Variants in WDR20 observed in about 807,000 individuals in gnomAD.
WDR20 encodes the protein WD repeat-containing protein 20.
Under a neutral mutation model 38.7 loss-of-function variants are expected in WDR20, and 3 were observed. That is an observed-to-expected ratio of 0.08 (90% CI 0.04 to 0.20). The LOEUF (loss-of-function observed/expected upper bound fraction) is 0.20, where lower values mean the gene tolerates loss of function less well. WDR20 is among the 10% of genes least tolerant of loss of function. The pLI, the probability that WDR20 is intolerant of heterozygous loss-of-function variation, is 1.00. For missense variants in WDR20, 559 were observed against 727.7 expected, an observed-to-expected ratio of 0.77 and a Z score of 2.67; for synonymous variants, 298 against 285.6, an observed-to-expected ratio of 1.04 and a Z score of -0.44.
downstream of WDR20, among the ~76,000 whole-genome samples, chr14:102,210,874 G>A (rs559363792): frequency 5.3e-5 from 8 of 152,128 alleles, no homozygotes; most frequent in Admixed American, 3.9e-4. Context: ...TTCGTCCCCC[G>A]CAGAGGAAGC....
chr14:102,218,113 G>T (rs1383561653), downstream of WDR20, among the ~76,000 whole-genome samples: 3 of 152,378 alleles, frequency 2.0e-5, no homozygotes, highest in East Asian at 5.8e-4. Flanking sequence ...GATCTCAGGA[G>T]AGAAGCGCTA....
chr14:102,148,725 C>T (rs1167179879), intron 1 of WDR20, among the ~76,000 whole-genome samples: 1 of 149,590 alleles, frequency 6.7e-6, no homozygotes, highest in Non-Finnish European at 1.5e-5. Flanking sequence ...CAGGGTCTCA[C>T]TGTGTCACCT....
At chr14:102,168,491 C>T (rs1019487327) in intron 1 of WDR20, among the ~76,000 whole-genome samples, 13 of 151,868 alleles carry the variant, frequency 8.6e-5, no homozygotes, top group African/African-American at 1.7e-4. Context: ...ATGCCTGGCA[C>T]GGTGTAGGTG....
At chr14:102,147,679 T>TCAAAC (rs201593016) in intron 1 of WDR20, among the ~76,000 whole-genome samples, 4,973 of 152,302 alleles carry the variant, frequency 0.033, 276 homozygotes, top group African/African-American at 0.11. Flanking sequence ...GTGGATTTTG[T>TCAAAC]CACTGAGTGG....
intron 1 of WDR20, among the ~76,000 whole-genome samples, chr14:102,141,237 G>A (rs118130588): frequency 5.1e-4 from 78 of 152,186 alleles, no homozygotes; most frequent in Non-Finnish European, 9.7e-4. Context: ...AGATTAAGTC[G>A]TAAATGCATG....
chr14:102,171,311 T>C (rs1209431574), intron 1 of WDR20: 1 of 144,110 alleles, frequency 6.9e-6, no homozygotes, highest in Non-Finnish European at 1.5e-5. Context: ...TTACCCAAGC[T>C]GGAGTACAGT....
chr14:102,194,432 G>A (rs1288200371), intron 1 of WDR20, among the ~76,000 whole-genome samples: 1 of 152,104 alleles, frequency 6.6e-6, no homozygotes, highest in Non-Finnish European at 1.5e-5. Context: ...TTTAGTCTGG[G>A]GTGAGGTTTG....
intron 1 of WDR20, among the ~76,000 whole-genome samples, chr14:102,180,727 G>C (rs2063209525): frequency 6.6e-6 from 1 of 152,128 alleles, no homozygotes; most frequent in Admixed American, 6.6e-5. Flanking sequence ...ATTCTCTTTT[G>C]GTTTGTAGTC....
At chr14:102,212,414 C>T, downstream of WDR20, 1 of 1,230,482 alleles carries the variant, frequency 8.1e-7, no homozygotes, top group Non-Finnish European at 1.1e-6. Flanking sequence ...CTGCCTTTGA[C>T]TGCATGTCCT....
intron 1 of WDR20, among the ~76,000 whole-genome samples, chr14:102,174,266 G>T (rs1332179335): frequency 6.6e-6 from 1 of 152,014 alleles, no homozygotes; most frequent in African/African-American, 2.4e-5. Flanking sequence ...CCCTGTGGTG[G>T]GATTGCTGGA....
intron 1 of WDR20, among the ~76,000 whole-genome samples, chr14:102,165,892 G>C (rs1265337091): frequency 6.6e-6 from 1 of 151,310 alleles, no homozygotes; most frequent in Non-Finnish European, 1.5e-5. Context: ...TGCCTGCCTC[G>C]GCCTCCTGAA....
intron 2 of WDR20, 133 bp downstream of exon 2, chr14:102,195,253 C>A: frequency 1.1e-6 from 1 of 933,496 alleles, no homozygotes; most frequent in Non-Finnish European, 1.6e-6. Flanking sequence ...ACCTAGTATG[C>A]CCAAGTTTAA....
At chr14:102,178,365 C>T (rs2062619089) in intron 1 of WDR20, among the ~76,000 whole-genome samples, 1 of 150,514 alleles carries the variant, frequency 6.6e-6, no homozygotes, top group Admixed American at 6.7e-5. Context: ...GCACTCCAGC[C>T]TGGGCTACAG....
Position 102,185,506 on chromosome 14 carries a change from C to T in WDR20, c.250-9432C>T, listed in dbSNP as rs1166370615. Among the ~76,000 whole-genome samples the T allele has an allele frequency of 5.3e-5, 8 of 152,152 alleles. No homozygotes were observed. The South Asian group carries it at 1.0e-3, about 20-fold the overall frequency. Reference sequence around the variant, plus strand: ...AGACGGCGGTGCAGCAGAAGGCACACGGGCTGGAATTTCGATGGCCAGACT... The same window carrying T: ...AGACGGCGGTGCAGCAGAAGGCACATGGGCTGGAATTTCGATGGCCAGACT... On this transcript the variant is annotated intron_variant, in intron 1 of 2. Coordinates refer to ENST00000342702, the MANE Select transcript of WDR20 (RefSeq NM_144574.4).
chr14:102,185,828 A>G (rs2152902899), intron 1 of WDR20, among the ~76,000 whole-genome samples: 1 of 152,248 alleles, frequency 6.6e-6, no homozygotes, highest in African/African-American at 2.4e-5. Flanking sequence ...AAAAAAAAAA[A>G]AAGCATTATA....
At chr14:102,213,722 A>T, downstream of WDR20, 2 of 985,380 alleles carry the variant, frequency 2.0e-6, no homozygotes, top group Non-Finnish European at 2.4e-6. Flanking sequence ...TAAATTGTAA[A>T]GTATGAAATG....
rs759595649 is a variant in WDR20 at position 102,209,514 on chromosome 14, T to C, written c.1344T>C (p.Ser448=). 6.2e-7 allele frequency: 1 copy of C among 1,614,080 alleles called. No individual in the cohort carries two copies. The highest frequency in any genetic ancestry group is 1.3e-5 in the African/African-American group (1 of 74,920). Residue 448 remains serine, a synonymous_variant, in exon 3 of 3, where the codon AGT becomes AGC. Transcript: ENST00000342702. This position sits in a 1 kb window ranked among gnomAD's most constrained non-coding sequence, Gnocchi z 6.0. Reference sequence around the variant, plus strand: ...TCTCAAATGCTGGCAGCAAAAGCAGTGTCATGGACGGGGCCATTGCTTCTG... The same window carrying C: ...TCTCAAATGCTGGCAGCAAAAGCAGCGTCATGGACGGGGCCATTGCTTCTG... ...SAVSNAGSKS[S]VMDGAIASGV...
In WDR20 at chr14:102,210,331, A is replaced by G. The variant is rs909696136; in HGVS notation, c.*451A>G. ...GCCATGAATTGTCATTTATAGTCCA[A>G]TTTTTTATCTTAATCATAAAATGTT... On this transcript the variant is annotated 3_prime_UTR_variant, in exon 3 of 3. Transcript: ENST00000342702. 1.8e-5 allele frequency: 18 copies of G among 986,542 alleles called. No individual in the cohort carries two copies. Among genetic ancestry groups the G allele is most frequent in the Admixed American group, 1.2e-4 (2 of 16,314 alleles). 61.1% of individuals were successfully genotyped at this position (986,542 alleles called of 1,614,324 possible).
chr14:102,144,730 A>G (rs1308438513), intron 1 of WDR20, among the ~76,000 whole-genome samples: 1 of 151,366 alleles, frequency 6.6e-6, no homozygotes, highest in Non-Finnish European at 1.5e-5. Flanking sequence ...TTGAGACAGA[A>G]TCTTGCTCTG....
Sources: allele counts gnomAD v4.1 joint callset (sites outside exome capture counted in the v4.1 genomes callset), GRCh38; gene constraint gnomAD v4.1.1; non-coding constraint Gnocchi (gnomAD v3.1); transcripts MANE v1.5; gene names NCBI Gene and HGNC (gene_info 2026-07-23, HGNC 2026-07-21).